The following RFWD3 variants were observed in gnomAD, a reference collection of about 807,000 sequenced individuals.
RFWD3 encodes the protein ring finger and WD repeat domain 3.
A neutral mutation model predicts 87.7 loss-of-function variants in RFWD3; 65 were observed. That is an observed-to-expected ratio of 0.74 (90% CI 0.61 to 0.91). The LOEUF (loss-of-function observed/expected upper bound fraction) is 0.91. Among genes scored for constraint, RFWD3 ranks in the 40% least tolerant of loss-of-function variants. The pLI, the probability that RFWD3 is intolerant of heterozygous loss-of-function variation, is 0.00. For missense variants in RFWD3, 1,078 were observed against 938.5 expected, an observed-to-expected ratio of 1.15 and a Z score of -1.94; for synonymous variants, 433 against 352.8, an observed-to-expected ratio of 1.23 and a Z score of -2.55.
intron 6 of RFWD3, among the ~76,000 whole-genome samples, chr16:74,642,202 A>C (rs1330686801): frequency 6.6e-6 from 1 of 151,868 alleles, no homozygotes; most frequent in African/African-American, 2.4e-5. Flanking sequence ...AGCTTACAGT[A>C]ACCTCCGCCT....
In RFWD3 at chr16:74,661,255, C is replaced by T. The variant is rs1961410112; in HGVS notation, c.195G>A (p.Ala65=). 3.7e-6 allele frequency: 6 copies of T among 1,614,130 alleles called. No individual in the cohort carries two copies. The African/African-American group carries it at 5.3e-5, about 14-fold the overall frequency. The change falls in exon 2 of 13, where the codon GCG becomes GCA. Residue 65 remains alanine, a synonymous_variant. Transcript: ENST00000361070. ...PAPAEVISSQ[A]TPPLLQPAPQ... ...GAGCAGGCTGGAGCAGGGGTGGTGT[C>T]GCTTGGCTGCTGATCACCTCAGCAG...
intron 1 of RFWD3, among the ~76,000 whole-genome samples, chr16:74,665,852 T>G (rs955863876): frequency 2.6e-5 from 4 of 151,982 alleles, no homozygotes; most frequent in African/African-American, 9.7e-5. Flanking sequence ...GTTCAAGCGA[T>G]TCTCCTGCCT....
In RFWD3 at chr16:74,660,972, T is replaced by C. The variant is rs1309433833; in HGVS notation, c.478A>G (p.Arg160Gly). The C allele has an allele frequency of 6.2e-7, 1 of 1,614,024 alleles. No homozygotes were observed. The highest frequency in any genetic ancestry group is 1.3e-5 in the African/African-American group (1 of 74,924). Residue 160 changes from arginine (R) to glycine (G), a missense_variant, in exon 2 of 13, where the codon AGG becomes GGG. Arg to Gly is a moderately radical substitution (Grantham distance 125). Coordinates refer to ENST00000361070, the MANE Select transcript of RFWD3 (RefSeq NM_018124.4). ...RTRRRVSASR[R>G]ARAGGSQRTD... ...CTCTGAGACCCTCCGGCTCTTGCCC[T>C]CCGTGAAGCAGATACCCTCCTTCTT...
chr16:74,658,804 G>A (rs1032840343), intron 2 of RFWD3, among the ~76,000 whole-genome samples: 11 of 137,848 alleles, frequency 8.0e-5, no homozygotes, highest in Admixed American at 1.5e-4. Context: ...AGTCACTCTT[G>A]TCACCCAGGC....
rs141321984 is a variant in RFWD3 at position 74,626,506 on chromosome 16, C to T, written c.2018G>A (p.Arg673Gln). 154 of 1,614,074 alleles carry T rather than the reference C, an allele frequency of 9.5e-5. No homozygotes were observed. In the African/African-American group the frequency reaches 1.7e-3, roughly 17 times the overall value. ...GATTGGATTTCCAGTGTCATCCAGT[C>T]GGTAGGACATTTCCATCAGCACACT... is the stretch of plus-strand genomic sequence containing the variant. ...IRSVLMEMSY[R>Q]LDDTGNPICS... Residue 673 changes from arginine to glutamine, a missense_variant, in exon 12 of 13, where the codon CGA becomes CAA. Transcript: ENST00000361070.
At chr16:74,659,289 G>A (rs1260053935) in intron 2 of RFWD3, among the ~76,000 whole-genome samples, 2 of 152,114 alleles carry the variant, frequency 1.3e-5, no homozygotes, top group Non-Finnish European at 2.9e-5. Flanking sequence ...CCAGCTCCTG[G>A]AAACACCACT....
chr16:74,662,549 T>C lies in RFWD3; in HGVS notation c.-2-1098A>G, dbSNP rs116562911. Among the ~76,000 whole-genome samples, 1,016 of 152,160 alleles carry C rather than the reference T, an allele frequency of 6.7e-3. 14 individuals carry two copies. Among genetic ancestry groups the C allele is most frequent in the African/African-American group, 0.023 (958 of 41,502 alleles). On this transcript the variant is annotated intron_variant, in intron 1 of 12. Transcript: ENST00000361070. ...ACAAAGAGGACCAACTAAGACACAA[T>C]TGTGAGGGAAGTACTCTTTTAAAGA...
At chr16:74,631,630 G>A (rs550457773) in intron 9 of RFWD3, among the ~76,000 whole-genome samples, 3 of 152,104 alleles carry the variant, frequency 2.0e-5, no homozygotes, top group Admixed American at 6.6e-5. Flanking sequence ...TGTGACTAAG[G>A]GTATAAAAGA....
Position 74,644,664 on chromosome 16 carries a change from T to C in RFWD3, c.864A>G (p.Thr288=). The change falls in exon 5 of 13, where the codon ACA becomes ACG. Residue 288 remains threonine, a synonymous_variant. Transcript: ENST00000361070. ...CATTGGTCCACTGTTCCAGACATAT[T>C]GTACAAGTGTCCCCTTCTTCCTCAT... ...SMDEEEGDTC[T]ICLEQWTNAG... The C allele has an allele frequency of 6.2e-7, 1 of 1,614,234 alleles. No homozygotes were observed. Among genetic ancestry groups the C allele is most frequent in the Non-Finnish European group, 8.5e-7 (1 of 1,180,040 alleles).
At position 74,630,793 on chromosome 16, in the gene RFWD3, G is replaced by C. The variant is rs745970908; in HGVS notation, c.1742C>G (p.Ala581Gly). ...AGTGGCTCCCTACCTGGCTTTCTGA[G>C]CTACTAACTCCTGCACATGACTGCT... is the stretch of plus-strand genomic sequence containing the variant. ...NTSSHVQELV[A>G]QKARCPLVSL... is the part of the protein sequence containing the mutation. The change falls in exon 10 of 13, where the codon GCT (alanine) becomes GGT (glycine). Residue 581 changes from alanine to glycine, a missense_variant. Ala to Gly is a moderately conservative substitution (Grantham distance 60, BLOSUM62 0). Coordinates refer to ENST00000361070, the MANE Select transcript of RFWD3 (RefSeq NM_018124.4). The C allele has an allele frequency of 3.8e-6, 6 of 1,599,854 alleles. No homozygotes were observed. Among genetic ancestry groups the C allele is most frequent in the East Asian group, 4.6e-5 (2 of 43,956 alleles).
chr16:74,623,234 A>T lies in RFWD3; in HGVS notation c.*694T>A, dbSNP rs1226402003. 6.5e-6 allele frequency: 1 copy of T among 152,688 alleles called. No individual in the cohort carries two copies. The highest frequency in any genetic ancestry group is 2.4e-5 in the African/African-American group (1 of 41,472). The allele number at this position is 152,688 out of a possible 1,614,324, so 9.5% of individuals were successfully genotyped here. A position where few individuals can be genotyped will look rare whatever the true frequency, so the allele number is the denominator to read the frequency against. ...AAGCAATGAACTTAATGCACTAGGC[A>T]TTAGCAAAGGGAATCGTTCACTAGC... On this transcript the variant is annotated 3_prime_UTR_variant, in exon 13 of 13. Transcript: ENST00000361070.
intron 12 of RFWD3, among the ~76,000 whole-genome samples, chr16:74,625,988 C>G (rs1428376421): frequency 2.0e-5 from 3 of 152,182 alleles, no homozygotes; most frequent in Middle Eastern, 3.2e-3. Flanking sequence ...GAGTTCCAGA[C>G]CAGCCTGGCC....
intron 6 of RFWD3, among the ~76,000 whole-genome samples, chr16:74,642,622 G>T (rs1165957296): frequency 6.6e-6 from 1 of 151,962 alleles, no homozygotes; most frequent in Non-Finnish European, 1.5e-5. Flanking sequence ...CTCCTGAGTA[G>T]CTGAGACTAC....
rs1018860183 is a variant in RFWD3 at position 74,643,963 on chromosome 16, C to T, written c.1079+399G>A. On this transcript the variant is annotated intron_variant, in intron 6 of 12. Transcript: ENST00000361070. ...AAGTGCTGGGATTACAGGCGTGAGC[C>T]ACCATGCCCGGCCCTAGCAACTGTT... The T allele has an allele frequency of 2.8e-5, 7 of 246,230 alleles. No individual in the cohort carries two copies. In the Admixed American group the frequency reaches 2.8e-4, roughly 10 times the overall value. The allele number at this position is 246,230 out of a possible 1,614,324, so 15.3% of individuals were successfully genotyped here.
chr16:74,654,302 T>C (rs1960799690), intron 2 of RFWD3, among the ~76,000 whole-genome samples: 1 of 152,248 alleles, frequency 6.6e-6, no homozygotes, highest in African/African-American at 2.4e-5. Context: ...TTCTATTCTC[T>C]ATTTCATTTA....
chr16:74,625,380 G>T (rs1352253418), intron 12 of RFWD3, among the ~76,000 whole-genome samples: 6 of 151,786 alleles, frequency 4.0e-5, no homozygotes, highest in Admixed American at 2.0e-4. Context: ...AATTAGCCGG[G>T]TATGGTTGGT....
At chr16:74,652,548 T>C in intron 2 of RFWD3, among the ~76,000 whole-genome samples, 1 of 152,284 alleles carries the variant, frequency 6.6e-6, no homozygotes, top group East Asian at 1.9e-4. Flanking sequence ...TATTTTGGAG[T>C]ACAGTACAGG....
At chr16:74,646,131 T>C (rs1054023130) in intron 4 of RFWD3, among the ~76,000 whole-genome samples, 2 of 152,132 alleles carry the variant, frequency 1.3e-5, no homozygotes, top group African/African-American at 2.4e-5. Context: ...TCCCAGCTTA[T>C]TGGGAGGCCA....
chr16:74,661,516 AATC>A, intron 1 of RFWD3, 65 bp from the exon 2 acceptor site: 1 of 1,292,916 alleles, frequency 7.7e-7, no homozygotes, highest in East Asian at 2.3e-5. Flanking sequence ...TAGGTGACAG[AATC>A]ATATTTAATC....
Sources: allele counts gnomAD v4.1 joint callset (sites outside exome capture counted in the v4.1 genomes callset), GRCh38; gene constraint gnomAD v4.1.1; transcripts MANE v1.5; gene names NCBI Gene and HGNC (gene_info 2026-07-23, HGNC 2026-07-21).